The following KCNK9 variants were observed in gnomAD, a reference collection of about 807,000 sequenced individuals.
The protein encoded by KCNK9 is potassium channel subfamily K member 9.
In KCNK9, 1 loss-of-function variant was observed where a neutral mutation model predicts 10.8. The observed-to-expected ratio is 0.09, with a 90% CI of 0.03 to 0.44. The LOEUF (loss-of-function observed/expected upper bound fraction) is 0.44, where lower values mean the gene tolerates loss of function less well. Among genes scored for constraint, KCNK9 ranks in the 20% least tolerant of loss-of-function variants. The pLI is 0.97. For synonymous variants in KCNK9, 231 were observed against 222.7 expected, an observed-to-expected ratio of 1.04 and a Z score of -0.33; for missense variants, 303 against 515.0, an observed-to-expected ratio of 0.59 and a Z score of 3.98.
At chr8:139,636,424 TAG>T (rs1457888835) in intron 1 of KCNK9, among the ~76,000 whole-genome samples, 1 of 152,224 alleles carries the variant, frequency 6.6e-6, no homozygotes, top group African/African-American at 2.4e-5. Context: ...CTGCCAAGGA[TAG>T]AGTCACTCCT....
chr8:139,669,278 A>C (rs1816373155), intron 1 of KCNK9, among the ~76,000 whole-genome samples: 1 of 152,174 alleles, frequency 6.6e-6, no homozygotes, highest in African/African-American at 2.4e-5. Context: ...ACAACAATGA[A>C]GTTTGCTGCA....
intron 1 of KCNK9, among the ~76,000 whole-genome samples, chr8:139,687,680 A>G (rs111696390): frequency 7.2e-6 from 1 of 139,188 alleles, no homozygotes; most frequent in African/African-American, 2.6e-5. Context: ...GTATACATAT[A>G]TATTCATATG....
downstream of KCNK9, among the ~76,000 whole-genome samples, chr8:139,607,639 C>G (rs1049923947): frequency 2.6e-5 from 4 of 152,150 alleles, no homozygotes; most frequent in Non-Finnish European, 5.9e-5. Flanking sequence ...ATTAAAAGGG[C>G]TCTGTAGGGG....
intron 1 of KCNK9, among the ~76,000 whole-genome samples, chr8:139,700,194 T>C (rs1227713815): frequency 1.3e-5 from 2 of 152,336 alleles, no homozygotes; most frequent in East Asian, 3.8e-4. Flanking sequence ...TCAGGCTTCG[T>C]CCAAGAGCGT....
At chr8:139,688,282 C>T (rs1427507974) in intron 1 of KCNK9, among the ~76,000 whole-genome samples, 1 of 152,126 alleles carries the variant, frequency 6.6e-6, no homozygotes, top group Non-Finnish European at 1.5e-5. Flanking sequence ...TCTCACACTG[C>T]TATAAAGAAA....
chr8:139,641,309 G>A (rs1408603002), intron 1 of KCNK9, among the ~76,000 whole-genome samples: 1 of 152,140 alleles, frequency 6.6e-6, no homozygotes, highest in Non-Finnish European at 1.5e-5. Context: ...TGTCTGTGGG[G>A]CTCCCATCCT....
intron 1 of KCNK9, among the ~76,000 whole-genome samples, chr8:139,696,820 G>T (rs1451243236): frequency 1.3e-5 from 2 of 151,672 alleles, no homozygotes; most frequent in African/African-American, 4.8e-5. Context: ...TGGGTTGGTG[G>T]GTGGATGGGT....
downstream of KCNK9, among the ~76,000 whole-genome samples, chr8:139,615,100 G>A (rs1255317372): frequency 6.6e-6 from 1 of 152,232 alleles, no homozygotes; most frequent in Non-Finnish European, 1.5e-5. Flanking sequence ...GCAAGAGGGA[G>A]GAAGAGAGAC....
At chr8:139,622,294 A>C (rs1365069378) in intron 1 of KCNK9, among the ~76,000 whole-genome samples, 2 of 152,172 alleles carry the variant, frequency 1.3e-5, no homozygotes, top group Non-Finnish European at 2.9e-5. Context: ...AGTGAGAGAC[A>C]AGTTTCGGGA....
At chr8:139,651,503 G>A (rs544358576) in intron 1 of KCNK9, among the ~76,000 whole-genome samples, 60 of 152,330 alleles carry the variant, frequency 3.9e-4, no homozygotes, top group African/African-American at 1.3e-3. Flanking sequence ...GACATACTGT[G>A]AGGGTTTGGA....
At chr8:139,699,452 T>C (rs1817145709) in intron 1 of KCNK9, among the ~76,000 whole-genome samples, 1 of 152,178 alleles carries the variant, frequency 6.6e-6, no homozygotes, top group Admixed American at 6.5e-5. Context: ...ACTGAACCCC[T>C]AATCAAAAGG....
chr8:139,638,191 C>T (rs1340917039), intron 1 of KCNK9, among the ~76,000 whole-genome samples: 3 of 151,982 alleles, frequency 2.0e-5, no homozygotes, highest in African/African-American at 2.4e-5. Flanking sequence ...ACCCAAATGT[C>T]CCCATCTCCA....
chr8:139,685,934 T>G (rs1266549604), intron 1 of KCNK9, among the ~76,000 whole-genome samples: 1 of 152,200 alleles, frequency 6.6e-6, no homozygotes, highest in Non-Finnish European at 1.5e-5. Flanking sequence ...CCACATCCTC[T>G]CCAGCATCTG....
downstream of KCNK9, among the ~76,000 whole-genome samples, chr8:139,612,878 C>A (rs1814474362): frequency 6.6e-6 from 1 of 152,000 alleles, no homozygotes; most frequent in South Asian, 2.1e-4. Context: ...AGACCCTGGC[C>A]AGGACTTCTC....
chr8:139,650,841 C>T (rs778513474), intron 1 of KCNK9, among the ~76,000 whole-genome samples: 14 of 152,276 alleles, frequency 9.2e-5, no homozygotes, highest in East Asian at 1.9e-4. Context: ...GCCTGGCCAT[C>T]GTCATTCGGG....
intron 1 of KCNK9, among the ~76,000 whole-genome samples, chr8:139,649,689 C>T (rs752718767): frequency 6.6e-6 from 1 of 152,244 alleles, no homozygotes; most frequent in Non-Finnish European, 1.5e-5. Flanking sequence ...GGCTCCAGGG[C>T]AGCACTGCCT....
intron 1 of KCNK9, among the ~76,000 whole-genome samples, chr8:139,641,198 T>C (rs1815495471): frequency 6.6e-6 from 1 of 152,218 alleles, no homozygotes. Context: ...GTGTGTGCTG[T>C]GGTGAGAACC....
Position 139,629,844 on chromosome 8 carries a change from A to G in KCNK9, c.284-10745T>C, listed in dbSNP as rs1421643188. ...GGGCTTCACTCATGTGACCCCATTT[A>G]ACCTCAATTACCTCTCCTAAAGGCC... On this transcript the variant is annotated intron_variant, in intron 1 of 1. Coordinates refer to ENST00000520439, the MANE Select transcript of KCNK9 (RefSeq NM_001282534.2). 2.0e-5 allele frequency among the ~76,000 whole-genome samples: 3 copies of G among 152,174 alleles called. No homozygotes were observed. In the East Asian group the frequency reaches 5.8e-4, roughly 29 times the overall value.
At chr8:139,695,133 T>C (rs1817020528) in intron 1 of KCNK9, among the ~76,000 whole-genome samples, 1 of 152,226 alleles carries the variant, frequency 6.6e-6, no homozygotes, top group Non-Finnish European at 1.5e-5. Context: ...CCAGGGTTTG[T>C]ATTTGGGACC....
Sources: allele counts gnomAD v4.1 joint callset (sites outside exome capture counted in the v4.1 genomes callset), GRCh38; gene constraint gnomAD v4.1.1; transcripts MANE v1.5; gene names NCBI Gene and HGNC (gene_info 2026-07-23, HGNC 2026-07-21).